Variants in DSCAM observed in about 807,000 individuals in gnomAD.
DSCAM encodes DS cell adhesion molecule, also known as cell adhesion molecule DSCAM.
Under a neutral mutation model 217.7 loss-of-function variants are expected in DSCAM, and 47 were observed. The ratio of observed to expected loss-of-function variants is 0.22; its 90% confidence interval spans 0.17 to 0.28. The LOEUF (loss-of-function observed/expected upper bound fraction) is 0.28, where lower values mean the gene tolerates loss of function less well. Among genes scored for constraint, DSCAM ranks in the 10% least tolerant of loss-of-function variants. The probability of loss-of-function intolerance (pLI) is 1.00; values close to 1 mark genes in which losing one functional copy is unlikely to be tolerated. For missense variants in DSCAM, 2,080 were observed against 2,618.3 expected, an observed-to-expected ratio of 0.79 and a Z score of 4.49; for synonymous variants, 1,056 against 1,015.3, an observed-to-expected ratio of 1.04 and a Z score of -0.76.
At chr21:40,197,355 C>T (rs1441251451) in intron 11 of DSCAM, among the ~76,000 whole-genome samples, 2 of 151,936 alleles carry the variant, frequency 1.3e-5, no homozygotes, top group South Asian at 2.1e-4. Context: ...CCTGACCTTG[C>T]GATCCACCCA....
At chr21:40,717,357 C>T (rs1275565455) in intron 1 of DSCAM, among the ~76,000 whole-genome samples, 1 of 152,242 alleles carries the variant, frequency 6.6e-6, no homozygotes, top group Non-Finnish European at 1.5e-5. Flanking sequence ...GAAATGAAAA[C>T]ATACATCCAC....
chr21:40,424,696 A>C (rs1714192892), intron 3 of DSCAM, among the ~76,000 whole-genome samples: 1 of 152,230 alleles, frequency 6.6e-6, no homozygotes, highest in Admixed American at 6.5e-5. Flanking sequence ...TCAAAGGTTC[A>C]ACAACGATAT....
chr21:40,846,565 GC>G (rs41339251), intron 1 of DSCAM, 53 bp downstream of exon 1: 5 of 227,536 alleles, frequency 2.2e-5, no homozygotes, highest in Non-Finnish European at 3.5e-5. Flanking sequence ...CCACCCCCCC[GC>G]CCCCCCGGTC....
At chr21:40,777,879 A>G (rs903282468) in intron 1 of DSCAM, among the ~76,000 whole-genome samples, 16 of 152,182 alleles carry the variant, frequency 1.1e-4, no homozygotes, top group African/African-American at 3.9e-4. Context: ...CAAAGAGGAG[A>G]TCTTAAATGA....
In DSCAM at chr21:40,575,774, TA is replaced by T. The variant is rs201921213; in HGVS notation, c.508+117035del. On this transcript the variant is annotated intron_variant, in intron 3 of 32. Transcript: ENST00000400454. ...CAAAAGATTCATACCCAAAATATAT[TA>T]AAAAAAAAAACTCTTGCAACTCAGT... Among the ~76,000 whole-genome samples the T allele has an allele frequency of 7.6e-4, 110 of 145,494 alleles. 1 individual carries two copies. The South Asian group carries it at 0.012, about 16-fold the overall frequency.
At chr21:40,604,019 A>G (rs3714) in intron 3 of DSCAM, among the ~76,000 whole-genome samples, 30,344 of 147,220 alleles carry the variant, frequency 0.21, 3,357 homozygotes, top group East Asian at 0.32. Flanking sequence ...TATTTCAAAT[A>G]TATCTTCTGC....
At chr21:40,414,592 CTT>C (rs1569111475) in intron 3 of DSCAM, among the ~76,000 whole-genome samples, 3 of 152,108 alleles carry the variant, frequency 2.0e-5, no homozygotes, top group Non-Finnish European at 4.4e-5. Context: ...CTATTTTTCT[CTT>C]TCTTTTTCTT....
chr21:40,063,752 TTCCA>T (rs2089162280), intron 27 of DSCAM, among the ~76,000 whole-genome samples: 1 of 152,172 alleles, frequency 6.6e-6, no homozygotes, highest in Admixed American at 6.5e-5. Flanking sequence ...GTGGGAGCAT[TTCCA>T]TCTCATGCCT....
chr21:40,044,370 C>T (rs969406537), intron 30 of DSCAM, 95 bp from the exon 31 acceptor site: 27 of 1,297,400 alleles, frequency 2.1e-5, no homozygotes, highest in East Asian at 1.5e-4. Context: ...CCAGCACTGC[C>T]GACTCGCCCA....
In DSCAM at chr21:40,559,087, T is replaced by C. The variant is rs574490252; in HGVS notation, c.508+133723A>G. 7.9e-5 allele frequency among the ~76,000 whole-genome samples: 12 copies of C among 152,186 alleles called. No individual in the cohort carries two copies. The South Asian group carries it at 1.2e-3, about 16-fold the overall frequency. On this transcript the variant is annotated intron_variant, in intron 3 of 32. Coordinates refer to ENST00000400454, the MANE Select transcript of DSCAM (RefSeq NM_001389.5). ...AGTGGAAACTCTTAAAATGCACAGG[T>C]AGGAGATGCAATGATACAATCCAAT...
At chr21:40,268,606 G>C (rs1245444721) in intron 11 of DSCAM, among the ~76,000 whole-genome samples, 2 of 148,814 alleles carry the variant, frequency 1.3e-5, no homozygotes, top group African/African-American at 2.6e-5. Context: ...AGGATGAAGA[G>C]GAGGAGGAGG....
chr21:40,633,228 G>A (rs1379721346), intron 3 of DSCAM, among the ~76,000 whole-genome samples: 4 of 152,292 alleles, frequency 2.6e-5, no homozygotes, highest in African/African-American at 9.6e-5. Flanking sequence ...AGCAGAGAGT[G>A]GCAGTCTGAA....
intron 19 of DSCAM, among the ~76,000 whole-genome samples, chr21:40,132,478 T>TAAC (rs2090163587): frequency 1.3e-5 from 2 of 152,228 alleles, no homozygotes; most frequent in African/African-American, 2.4e-5. Flanking sequence ...CATTTGAACC[T>TAAC]TAGATTCCCT....
At chr21:40,691,847 G>A (rs756768228) in intron 3 of DSCAM, among the ~76,000 whole-genome samples, 2 of 152,186 alleles carry the variant, frequency 1.3e-5, no homozygotes, top group African/African-American at 4.8e-5. Context: ...TCTGGTGGTG[G>A]TGTACAGTAA....
chr21:40,555,640 T>C (rs2076665543), intron 3 of DSCAM, among the ~76,000 whole-genome samples: 2 of 152,200 alleles, frequency 1.3e-5, no homozygotes, highest in Non-Finnish European at 1.5e-5. Flanking sequence ...TTGTTGTTGT[T>C]TGTTTTTTAA....
At position 40,055,714 on chromosome 21, in the gene DSCAM, G is replaced by A; in HGVS notation, c.5035+11C>T. ...GCCACTTTGTGTAAAGTGGCAAATA[G>A]GGCAGCTTACCAATGGTCTCCATCG... On this transcript the variant is annotated intron_variant, in intron 29 of 32. Transcript: ENST00000400454. The A allele has an allele frequency of 3.7e-6, 6 of 1,603,534 alleles. No homozygotes were observed. Among genetic ancestry groups the A allele is most frequent in the Non-Finnish European group, 5.1e-6 (6 of 1,171,018 alleles).
chr21:40,585,733 C>T (rs1011345646), intron 3 of DSCAM, among the ~76,000 whole-genome samples: 6 of 152,018 alleles, frequency 3.9e-5, no homozygotes, highest in Non-Finnish European at 8.8e-5. Flanking sequence ...GGGAGTGGAT[C>T]CCTCATGAAT....
chr21:40,736,443 G>T (rs1169658528), intron 1 of DSCAM, among the ~76,000 whole-genome samples: 1 of 152,174 alleles, frequency 6.6e-6, no homozygotes, highest in Non-Finnish European at 1.5e-5. Context: ...AATATCACAG[G>T]CTGGGCAGCT....
At position 40,566,924 on chromosome 21, in the gene DSCAM, G is replaced by A. The variant is rs577380724; in HGVS notation, c.508+125886C>T. ...ACACAGGAAAGTGGGGATGGACACA[G>A]GTTGAAGATGACCCAAGTCCGTAAG... is the stretch of plus-strand genomic sequence containing the variant. On this transcript the variant is annotated intron_variant, in intron 3 of 32. Transcript: ENST00000400454. Among the ~76,000 whole-genome samples the A allele has an allele frequency of 1.5e-3, 226 of 152,182 alleles. 1 individual carries two copies. The highest frequency in any genetic ancestry group is 2.9e-3 in the Admixed American group (45 of 15,290).
Sources: gnomAD v4.1 joint callset for allele counts (sites outside exome capture counted in the v4.1 genomes callset) on GRCh38, gnomAD v4.1.1 for gene constraint, MANE v1.5 for transcripts, NCBI Gene and HGNC (gene_info 2026-07-23, HGNC 2026-07-21) for gene names.